GTPBP1: variants seen among roughly 807,000 people sequenced by gnomAD.
GTPBP1 encodes GTP-binding protein 1.
A neutral mutation model predicts 62.0 loss-of-function variants in GTPBP1; 23 were observed. The observed-to-expected ratio is 0.37, with a 90% CI of 0.27 to 0.53. The LOEUF is 0.53. Ranked by LOEUF, GTPBP1 falls within the 20% of genes least tolerant of loss-of-function variation. The pLI is 0.89. For missense variants in GTPBP1, 640 were observed against 917.3 expected (o/e 0.70, Z 3.90); for synonymous variants, 344 against 364.4 (o/e 0.94, Z 0.64).
chr22:38,723,614 G>A, intron 5 of GTPBP1: 1 of 534,404 alleles, frequency 1.9e-6, no homozygotes, highest in East Asian at 3.2e-5. Flanking sequence ...TTCTTGGTCT[G>A]AACACAGCCT....
At chr22:38,733,954 T>C (rs923886877), downstream of GTPBP1, among the ~76,000 whole-genome samples, 4 of 152,138 alleles carry the variant, frequency 2.6e-5, no homozygotes, top group Non-Finnish European at 5.9e-5. Context: ...CGTGGGGATG[T>C]CTCCTTTGTT....
In GTPBP1 at chr22:38,726,231, A is replaced by G. The variant is rs540164878; in HGVS notation, c.1219-27A>G. 39 of 1,612,930 alleles carry G rather than the reference A, an allele frequency of 2.4e-5. No homozygotes were observed. Among genetic ancestry groups the G allele is most frequent in the Admixed American group, 1.7e-5 (1 of 59,980 alleles). On this transcript the variant is annotated intron_variant, in intron 7 of 11. Coordinates refer to ENST00000216044, the MANE Select transcript of GTPBP1 (RefSeq NM_004286.5). The surrounding 1 kb of genome is among the most constrained non-coding windows in gnomAD (Gnocchi z 4.1). ...GTGGGTCTGTGCTGGGGATGCACTT[A>G]TGAGGCCAGGGTCTTCTCCTTGGCA...
At chr22:38,713,312 G>A (rs1280507542) in intron 2 of GTPBP1, among the ~76,000 whole-genome samples, 1 of 152,194 alleles carries the variant, frequency 6.6e-6, no homozygotes, top group African/African-American at 2.4e-5. Flanking sequence ...AGTTGGGCCT[G>A]GGGAGCCATT....
At chr22:38,741,371 G>A, downstream of GTPBP1, 1 of 1,010,530 alleles carries the variant, frequency 9.9e-7, no homozygotes, top group Non-Finnish European at 1.5e-6. Flanking sequence ...AGTCAGAGGA[G>A]GGCACTCCCC....
chr22:38,740,314 C>G (rs372331900), downstream of GTPBP1: 2 of 1,603,974 alleles, frequency 1.2e-6, no homozygotes. This position sits in a 1 kb window ranked among gnomAD's most constrained non-coding sequence, Gnocchi z 4.8. Context: ...CCCACTTCTT[C>G]CGCCACCGAG....
At chr22:38,741,879 G>A (rs906127848), downstream of GTPBP1, among the ~76,000 whole-genome samples, 6 of 152,212 alleles carry the variant, frequency 3.9e-5, no homozygotes, top group Non-Finnish European at 7.3e-5. Context: ...GGTGGCTCAC[G>A]CCTGTAATCC....
chr22:38,738,169 G>T (rs372381106), downstream of GTPBP1: 8 of 1,613,702 alleles, frequency 5.0e-6, no homozygotes, highest in Non-Finnish European at 3.4e-6. The surrounding 1 kb of genome is among the most constrained non-coding windows in gnomAD (Gnocchi z 6.6). Context: ...GCAGCATCCC[G>T]TACCTGAAAG....
Position 38,716,769 on chromosome 22 carries a change from T to A in GTPBP1, c.603T>A (p.His201Gln). Residue 201 changes from histidine to glutamine, a missense_variant, in exon 4 of 12, where the codon CAT becomes CAA. Physicochemically the swap from His to Gln is conservative, Grantham distance 24. This residue lies in a region of GTPBP1 where 88 missense variants were observed against 217.0 expected (regional missense o/e 0.41). Transcript: ENST00000216044. The surrounding 1 kb of genome is among the most constrained non-coding windows in gnomAD (Gnocchi z 5.2). ...FARQKLFRHK[H>Q]EIESGRTSSV... ...GCCAGAAACTCTTCCGCCACAAACA[T>A]GAAATTGAATCTGGTCGCACCAGCA... 3 of 1,614,034 alleles carry A rather than the reference T, an allele frequency of 1.9e-6. No homozygotes were observed. The highest frequency in any genetic ancestry group is 2.5e-6 in the Non-Finnish European group (3 of 1,179,980).
At chr22:38,724,432 A>T (rs772068322) in intron 6 of GTPBP1, 21 bp downstream of exon 6, 1 of 1,409,660 alleles carries the variant, frequency 7.1e-7, no homozygotes, top group Non-Finnish European at 1.0e-6. Context: ...GGGAGCGCAC[A>T]CTTCAGACAG....
intron 10 of GTPBP1, chr22:38,728,377 A>G: frequency 1.8e-6 from 1 of 553,932 alleles, no homozygotes; most frequent in African/African-American, 1.9e-5. Flanking sequence ...AGGTAGGGTT[A>G]GGGTATGATC....
chr22:38,709,274 A>G (rs1306508189), intron 2 of GTPBP1, among the ~76,000 whole-genome samples: 1 of 152,168 alleles, frequency 6.6e-6, no homozygotes, highest in Non-Finnish European at 1.5e-5. Flanking sequence ...CCTAGGCGAC[A>G]AGAGTGAAAC....
chr22:38,733,002 T>A lies in GTPBP1; in HGVS notation c.*2298T>A, dbSNP rs1423750302. 1 of 152,256 alleles carries A rather than the reference T, an allele frequency of 6.6e-6. No individual in the cohort carries two copies. Among genetic ancestry groups the A allele is most frequent in the Non-Finnish European group, 1.5e-5 (1 of 68,078 alleles). 9.4% of individuals were successfully genotyped at this position (152,256 alleles called of 1,614,324 possible). A position where few individuals can be genotyped will look rare whatever the true frequency, so the allele number is the denominator to read the frequency against. On this transcript the variant is annotated 3_prime_UTR_variant, in exon 12 of 12. Coordinates refer to ENST00000216044, the MANE Select transcript of GTPBP1 (RefSeq NM_004286.5). ...AGCCACCGCACCGGGCCTGTTCTAT[T>A]TTTCTAGTTAAGGGAACTGAAGCTC...
chr22:38,706,899 A>G (rs530803178), intron 1 of GTPBP1: 68 of 152,362 alleles, frequency 4.5e-4, no homozygotes, highest in African/African-American at 1.6e-3. Flanking sequence ...GACATTGTGA[A>G]GAATAGAAAA....
rs139093596 is a variant in GTPBP1 at position 38,716,031 on chromosome 22, C to T, written c.429C>T (p.Arg143=). 5.5e-5 allele frequency: 88 copies of T among 1,613,768 alleles called. No individual in the cohort carries two copies. The East Asian group carries it at 7.6e-4, about 14-fold the overall frequency. The change falls in exon 3 of 12, where the codon CGC becomes CGT. Residue 143 remains arginine, a synonymous_variant. Transcript: ENST00000216044. This position sits in a 1 kb window ranked among gnomAD's most constrained non-coding sequence, Gnocchi z 5.2. The part of the protein sequence containing the change: ...LLRERQEAGG[R]VRDYLVRKRV... ...GGGAACGGCAAGAAGCTGGGGGCCG[C>T]GTGCGTGATTACCTGGTCCGGAAAC...
downstream of GTPBP1, chr22:38,742,828 TG>T: frequency 7.2e-6 from 3 of 417,070 alleles, no homozygotes; most frequent in Non-Finnish European, 1.3e-5. Flanking sequence ...GGAAGGAAGG[TG>T]GGCCGGGGAG....
Position 38,724,358 on chromosome 22 carries a change from G to A in GTPBP1, c.1020G>A (p.Leu340=). The change falls in exon 6 of 12, where the codon CTG becomes CTA. Residue 340 remains leucine, a synonymous_variant. Coordinates refer to ENST00000216044, the MANE Select transcript of GTPBP1 (RefSeq NM_004286.5). ...KSPGCRKIPV[L]VQSKDDVIVT... ...CAGGCTGCCGGAAGATCCCCGTGCT[G>A]GTGCAGAGCAAAGATGATGTGATTG... The A allele has an allele frequency of 1.2e-6, 2 of 1,613,568 alleles. No homozygotes were observed. Among genetic ancestry groups the A allele is most frequent in the Non-Finnish European group, 1.7e-6 (2 of 1,179,542 alleles).
At chr22:38,738,485 C>T (rs1232407956), downstream of GTPBP1, 1 of 1,471,854 alleles carries the variant, frequency 6.8e-7, no homozygotes, top group Non-Finnish European at 9.3e-7. The surrounding 1 kb of genome is among the most constrained non-coding windows in gnomAD (Gnocchi z 6.6). Flanking sequence ...AATCCACTCC[C>T]CTCCCTTCCA....
chr22:38,736,373 G>T (rs375420471), downstream of GTPBP1: 1 of 1,613,072 alleles, frequency 6.2e-7, no homozygotes, highest in Non-Finnish European at 8.5e-7. Context: ...CGTGGCCATC[G>T]TAGGGGCCTG....
intron 5 of GTPBP1, chr22:38,723,566 T>A (rs2145872546): frequency 1.7e-6 from 1 of 594,304 alleles, no homozygotes; most frequent in Non-Finnish European, 3.0e-6. Flanking sequence ...TGAATTTCCA[T>A]CAGCCCAGAA....
Sources: allele counts gnomAD v4.1 joint callset (sites outside exome capture counted in the v4.1 genomes callset), GRCh38; gene constraint gnomAD v4.1.1; regional missense constraint gnomAD v4.1.1; non-coding constraint Gnocchi (gnomAD v3.1); transcripts MANE v1.5; gene names NCBI Gene and HGNC (gene_info 2026-07-23, HGNC 2026-07-21).